ATXN8OS: variants seen among roughly 807,000 people sequenced by gnomAD.
ATXN8OS encodes the protein ATXN8 opposite strand lncRNA.
At chr13:70,134,334 T>C (rs1433007195) in intron 3 of ATXN8OS, among the ~76,000 whole-genome samples, 1 of 152,212 alleles carries the variant, frequency 6.6e-6, no homozygotes, top group African/African-American at 2.4e-5. Flanking sequence ...TTGTGTTTAG[T>C]GGTGATGACA....
intron 4 of ATXN8OS, among the ~76,000 whole-genome samples, chr13:70,154,690 A>C (rs74875417): frequency 0.085 from 12,991 of 152,212 alleles, 657 homozygotes; most frequent in Non-Finnish European, 0.099. Context: ...TCTCCCAGCA[A>C]TCCCTCAACA....
chr13:70,144,955 T>C (rs1297865441), intron 3 of ATXN8OS, among the ~76,000 whole-genome samples: 2 of 152,160 alleles, frequency 1.3e-5, no homozygotes, highest in Admixed American at 6.5e-5. Flanking sequence ...TATGTCAAGG[T>C]GTCACACCTT....
At chr13:70,164,826 T>C (rs1386637597) in intron 4 of ATXN8OS, among the ~76,000 whole-genome samples, 2 of 151,996 alleles carry the variant, frequency 1.3e-5, no homozygotes, top group African/African-American at 4.8e-5. Flanking sequence ...GATTGCTCCA[T>C]GATGAGCTTC....
At chr13:70,147,006 T>C (rs1478940938) in intron 3 of ATXN8OS, among the ~76,000 whole-genome samples, 1 of 152,220 alleles carries the variant, frequency 6.6e-6, no homozygotes, top group African/African-American at 2.4e-5. Context: ...TCAATGATTT[T>C]TCATATAAAA....
intron 3 of ATXN8OS, among the ~76,000 whole-genome samples, chr13:70,136,183 A>G (rs61964570): frequency 0.065 from 9,890 of 152,232 alleles, 530 homozygotes; most frequent in East Asian, 0.29. Context: ...GTTGTATGTA[A>G]TTGGTAGAAA....
chr13:70,144,971 A>C (rs1355191515), intron 3 of ATXN8OS, among the ~76,000 whole-genome samples: 1 of 152,114 alleles, frequency 6.6e-6, no homozygotes, highest in Non-Finnish European at 1.5e-5. Context: ...ACCTTGCCTA[A>C]AAAGTGTTGT....
intron 3 of ATXN8OS, among the ~76,000 whole-genome samples, chr13:70,141,642 C>T (rs1888717395): frequency 6.6e-6 from 1 of 151,906 alleles, no homozygotes; most frequent in African/African-American, 2.4e-5. Flanking sequence ...CCATTTCACT[C>T]TCTTAACTTT....
chr13:70,125,878 C>G (rs773683940), intron 2 of ATXN8OS, among the ~76,000 whole-genome samples: 11 of 152,098 alleles, frequency 7.2e-5, no homozygotes, highest in Non-Finnish European at 1.5e-4. Flanking sequence ...CTCTGCTTCT[C>G]TTACTCCCAA....
chr13:70,141,373 C>G (rs1888713210), intron 3 of ATXN8OS, among the ~76,000 whole-genome samples: 1 of 152,152 alleles, frequency 6.6e-6, no homozygotes, highest in South Asian at 2.1e-4. Context: ...CCTACAGATT[C>G]TTACCATATA....
intron 2 of ATXN8OS, among the ~76,000 whole-genome samples, chr13:70,123,979 G>T (rs1888394542): frequency 1.3e-5 from 2 of 151,950 alleles, no homozygotes; most frequent in African/African-American, 4.8e-5. Flanking sequence ...ATACAAACAG[G>T]ATTGAATTTA....
intron 4 of ATXN8OS, among the ~76,000 whole-genome samples, chr13:70,169,176 A>C (rs1379274197): frequency 6.6e-6 from 1 of 152,210 alleles, no homozygotes; most frequent in Non-Finnish European, 1.5e-5. Context: ...CAAAATCAAC[A>C]GTTTTTGTAC....
chr13:70,151,341 C>T (rs775622043), intron 4 of ATXN8OS, among the ~76,000 whole-genome samples: 16 of 152,092 alleles, frequency 1.1e-4, no homozygotes, highest in Non-Finnish European at 2.2e-4. Context: ...CTATTATCTG[C>T]TTCTGAGTTA....
At chr13:70,160,341 A>G (rs1022189536) in intron 4 of ATXN8OS, among the ~76,000 whole-genome samples, 3 of 152,084 alleles carry the variant, frequency 2.0e-5, no homozygotes, top group African/African-American at 7.2e-5. Flanking sequence ...TGTAGAATCT[A>G]ATATACGAGT....
At chr13:70,139,709 C>G (rs969812768) in intron 3 of ATXN8OS, among the ~76,000 whole-genome samples, 3 of 152,066 alleles carry the variant, frequency 2.0e-5, no homozygotes, top group Non-Finnish European at 4.4e-5. Flanking sequence ...GTGTAGGAAA[C>G]AGTATTCACT....
At chr13:70,118,406 T>C (rs1292182241) in intron 2 of ATXN8OS, among the ~76,000 whole-genome samples, 1 of 152,084 alleles carries the variant, frequency 6.6e-6, no homozygotes, top group Non-Finnish European at 1.5e-5. Flanking sequence ...ATATGGAATT[T>C]ATGGATATTA....
At chr13:70,124,469 C>T (rs1593760322) in intron 2 of ATXN8OS, among the ~76,000 whole-genome samples, 1 of 151,990 alleles carries the variant, frequency 6.6e-6, no homozygotes, top group East Asian at 1.9e-4. Context: ...AAGAAAAAGC[C>T]TGAATAAATA....
At chr13:70,137,265 T>C (rs1297248216) in intron 3 of ATXN8OS, among the ~76,000 whole-genome samples, 1 of 152,236 alleles carries the variant, frequency 6.6e-6, no homozygotes, top group Non-Finnish European at 1.5e-5. Flanking sequence ...CAGCTTTAAG[T>C]AGTTATCTTA....
chr13:70,150,501 G>T (rs1397065387), intron 4 of ATXN8OS, among the ~76,000 whole-genome samples: 1 of 152,040 alleles, frequency 6.6e-6, no homozygotes, highest in African/African-American at 2.4e-5. Context: ...TATGTGTAAG[G>T]TAGGAGACTG....
chr13:70,134,261 G>A (rs1413916478), intron 3 of ATXN8OS, among the ~76,000 whole-genome samples: 1 of 152,194 alleles, frequency 6.6e-6, no homozygotes, highest in Non-Finnish European at 1.5e-5. Context: ...AAGATTCAGA[G>A]AAGAGCAATT....
Sources: gnomAD v4.1 joint callset for allele counts (sites outside exome capture counted in the v4.1 genomes callset) on GRCh38, gnomAD v4.1.1 for gene constraint, MANE v1.5 for transcripts, NCBI Gene and HGNC (gene_info 2026-07-23, HGNC 2026-07-21) for gene names.